Variants in MUCL1 observed in about 807,000 individuals in gnomAD.
The protein encoded by MUCL1 is mucin-like protein 1.
In MUCL1, 11 loss-of-function variants were observed where a neutral mutation model predicts 9.2. That is an observed-to-expected ratio of 1.19 (90% CI 0.75 to 1.97). MUCL1 has a LOEUF of 1.97. Among genes scored for constraint, MUCL1 ranks in the 30% most tolerant of loss-of-function variants. MUCL1 has a pLI of 0.00. For missense variants in MUCL1, 144 were observed against 110.9 expected (o/e 1.30, Z -1.34); for synonymous variants, 48 against 40.5 (o/e 1.19, Z -0.71).
chr12:54,836,965 T>G (rs1339670565), upstream of MUCL1, among the ~76,000 whole-genome samples: 1 of 152,230 alleles, frequency 6.6e-6, no homozygotes, highest in Non-Finnish European at 1.5e-5. Context: ...TAATTTCAAT[T>G]TTTTAAAATA....
intron 2 of MUCL1, among the ~76,000 whole-genome samples, chr12:54,856,544 T>A (rs1240336786): frequency 6.6e-6 from 1 of 152,166 alleles, no homozygotes; most frequent in Non-Finnish European, 1.5e-5. Context: ...TTAATCAGTG[T>A]CATTGCCCTT....
At chr12:54,844,773 A>G (rs1160906658) in intron 1 of MUCL1, among the ~76,000 whole-genome samples, 1 of 152,102 alleles carries the variant, frequency 6.6e-6, no homozygotes, top group East Asian at 1.9e-4. Flanking sequence ...CTTTCTTGCA[A>G]TTTGTCCAAA....
At chr12:54,833,826 T>G (rs1959188723) in intron 1 of MUCL1, among the ~76,000 whole-genome samples, 6 of 126,796 alleles carry the variant, frequency 4.7e-5, no homozygotes, top group African/African-American at 5.9e-5. Context: ...TGTTGTGGGG[T>G]TGGGGGAGGG....
chr12:54,857,528 A>G lies in MUCL1; in HGVS notation c.223+636A>G, dbSNP rs980373707. Reference sequence around the variant, plus strand: ...TTGATTACAACATTTATTCAATCGGAACATATGCCAGGAACTGTGTCATAA... The same window carrying G: ...TTGATTACAACATTTATTCAATCGGGACATATGCCAGGAACTGTGTCATAA... On this transcript the variant is annotated intron_variant, in intron 3 of 3. Transcript: ENST00000308796. Among the ~76,000 whole-genome samples, 10 of 152,238 alleles carry G rather than the reference A, an allele frequency of 6.6e-5. No homozygotes were observed. The East Asian group carries it at 1.3e-3, about 21-fold the overall frequency.
intron 1 of MUCL1, among the ~76,000 whole-genome samples, chr12:54,833,200 A>T (rs1959187672): frequency 6.6e-6 from 1 of 152,114 alleles, no homozygotes. Flanking sequence ...GCATGCATTC[A>T]TATTTACCTA....
At chr12:54,842,634 C>A (rs1160884873) in intron 1 of MUCL1, among the ~76,000 whole-genome samples, 1 of 148,902 alleles carries the variant, frequency 6.7e-6, no homozygotes, top group African/African-American at 2.4e-5. Context: ...TTCTTCCTGT[C>A]TAACTGAAAC....
At chr12:54,832,412 T>C (rs531376295) in intron 1 of MUCL1, among the ~76,000 whole-genome samples, 2 of 152,226 alleles carry the variant, frequency 1.3e-5, no homozygotes, top group East Asian at 3.9e-4. Context: ...TTCTGAATAA[T>C]TTCCTCTGTT....
intron 2 of MUCL1, among the ~76,000 whole-genome samples, chr12:54,856,211 A>G (rs1868298100): frequency 6.6e-6 from 1 of 152,184 alleles, no homozygotes; most frequent in African/African-American, 2.4e-5. Flanking sequence ...GCTGCCACAG[A>G]GGGTGAGACA....
upstream of MUCL1, chr12:54,839,255 A>C: frequency 1.5e-6 from 1 of 653,752 alleles, no homozygotes; most frequent in East Asian, 2.7e-5. Context: ...GTTGTAGTAC[A>C]ATATGCTTGG....
chr12:54,851,070 A>G (rs893753750), upstream of MUCL1, among the ~76,000 whole-genome samples: 2 of 152,194 alleles, frequency 1.3e-5, no homozygotes, highest in Non-Finnish European at 2.9e-5. Context: ...GCCCTTTGTC[A>G]GATGGAGAGA....
At chr12:54,846,922 C>G (rs924216203) in intron 1 of MUCL1, among the ~76,000 whole-genome samples, 1 of 152,174 alleles carries the variant, frequency 6.6e-6, no homozygotes, top group Non-Finnish European at 1.5e-5. Context: ...GGCAATAAAA[C>G]ATTCCTGTAC....
In MUCL1 at chr12:54,855,135, T is replaced by C. The variant is rs1868289742; in HGVS notation, c.78T>C (p.Ala26=). The C allele has an allele frequency of 6.2e-7, 1 of 1,613,386 alleles. No individual in the cohort carries two copies. The change falls in exon 2 of 4, where the codon GCT becomes GCC. Residue 26 remains alanine, a synonymous_variant. Transcript: ENST00000308796. ...LVSAQNPTTA[A]PADTYPATGP... The stretch of plus-strand genomic sequence containing the variant: ...TTTCAGAGAATCCGACAACAGCTGC[T>C]CCAGCTGACACGTATCCAGCTAGTG...
chr12:54,833,616 A>G (rs1018113025), intron 1 of MUCL1, among the ~76,000 whole-genome samples: 2 of 152,160 alleles, frequency 1.3e-5, no homozygotes, highest in Admixed American at 1.3e-4. Context: ...TAAGGAATTT[A>G]TACACCATGG....
intron 1 of MUCL1, among the ~76,000 whole-genome samples, chr12:54,832,418 CT>C (rs1267266212): frequency 6.6e-6 from 1 of 152,036 alleles, no homozygotes; most frequent in Non-Finnish European, 1.5e-5. Flanking sequence ...ATAATTTCCT[CT>C]GTTTTATGTT....
At chr12:54,849,262 C>G (rs1253000786) in intron 1 of MUCL1, among the ~76,000 whole-genome samples, 4 of 151,900 alleles carry the variant, frequency 2.6e-5, no homozygotes, top group Admixed American at 2.0e-4. Context: ...TTAACATTTG[C>G]TTTTTGGTAT....
At chr12:54,850,254 C>T (rs181673865), upstream of MUCL1, among the ~76,000 whole-genome samples, 7 of 152,068 alleles carry the variant, frequency 4.6e-5, no homozygotes. Context: ...TGGGGTGCTG[C>T]ACCCATTAAC....
chr12:54,839,341 A>G (rs962529183), upstream of MUCL1: 12 of 700,136 alleles, frequency 1.7e-5, no homozygotes, highest in Admixed American at 2.4e-4. Context: ...ACACTTATTT[A>G]TTTATTAATT....
upstream of MUCL1, among the ~76,000 whole-genome samples, chr12:54,834,536 A>G (rs944058934): frequency 2.0e-5 from 3 of 152,036 alleles, no homozygotes; most frequent in Non-Finnish European, 4.4e-5. Flanking sequence ...GTTTTGATAT[A>G]CACAGTGAAG....
At chr12:54,833,731 A>G (rs1959188537) in intron 1 of MUCL1, among the ~76,000 whole-genome samples, 2 of 151,824 alleles carry the variant, frequency 1.3e-5, no homozygotes, top group Admixed American at 1.3e-4. Context: ...ACAAAAAACC[A>G]AACACCGCAT....
Sources: allele counts gnomAD v4.1 joint callset (sites outside exome capture counted in the v4.1 genomes callset), GRCh38; gene constraint gnomAD v4.1.1; transcripts MANE v1.5; gene names NCBI Gene and HGNC (gene_info 2026-07-23, HGNC 2026-07-21).